Variants in BSCL2 observed in about 807,000 individuals in gnomAD.
BSCL2 encodes the protein BSCL2 lipid droplet biogenesis associated, seipin, also known as seipin.
BSCL2 carries 41 observed loss-of-function variants against 57.4 expected under a neutral mutation model. The ratio of observed to expected loss-of-function variants is 0.71; its 90% CI spans 0.56 to 0.93. The LOEUF (loss-of-function observed/expected upper bound fraction) is 0.93. Ranked by LOEUF, BSCL2 falls within the 40% of genes least tolerant of loss-of-function variation. The pLI is 0.00. For missense variants in BSCL2, 539 were observed against 586.7 expected (o/e 0.92, Z 0.84); for synonymous variants, 237 against 227.3 (o/e 1.04, Z -0.38).
intron 3 of BSCL2, among the ~76,000 whole-genome samples, chr11:62,698,477 C>T (rs1407363629): frequency 6.6e-6 from 1 of 152,244 alleles, no homozygotes; most frequent in African/African-American, 2.4e-5. Context: ...GGATTACAGG[C>T]ATGAGCCACT....
At chr11:62,705,725 G>T in intron 1 of BSCL2, 108 bp from the exon 2 acceptor site, 2 of 1,110,254 alleles carry the variant, frequency 1.8e-6, no homozygotes, top group Non-Finnish European at 2.5e-6. Context: ...GGATAGCAAA[G>T]TCATTGTTTC....
At chr11:62,690,928 T>G in intron 8 of BSCL2, 61 bp from the exon 9 acceptor site, 2 of 1,587,532 alleles carry the variant, frequency 1.3e-6, no homozygotes, top group South Asian at 2.2e-5. Flanking sequence ...TGGACGGCAG[T>G]GCCAACCTCA....
At chr11:62,700,196 G>A (rs1336786227) in intron 3 of BSCL2, among the ~76,000 whole-genome samples, 5 of 151,028 alleles carry the variant, frequency 3.3e-5, no homozygotes, top group Admixed American at 1.3e-4. Flanking sequence ...AGCCGTGATC[G>A]TATCACTGCA....
chr11:62,706,244 G>T, intron 1 of BSCL2: 1 of 1,093,334 alleles, frequency 9.1e-7, no homozygotes, highest in South Asian at 2.3e-5. Context: ...GGCTGCCACA[G>T]GGCTGCCGAC....
chr11:62,705,578 G>A lies in BSCL2; in HGVS notation c.127C>T (p.Pro43Ser). The A allele has an allele frequency of 1.9e-6, 3 of 1,580,274 alleles. No homozygotes were observed. Among genetic ancestry groups the A allele is most frequent in the Non-Finnish European group, 2.6e-6 (3 of 1,159,732 alleles). The change falls in exon 2 of 11, where the codon CCA becomes TCA. Residue 43 changes from proline to serine, a missense_variant. This residue lies in a region of BSCL2 where 218 missense variants were observed against 224.8 expected (regional missense o/e 0.97). Transcript: ENST00000360796. ...AAASHGQGWR[P>S]GGRAARNARP... ...GCGTTCCTAGCTGCTCTGCCACCTG[G>A]ACGCCACCCCTGGCCATGGGATGCA...
At chr11:62,697,918 T>G (rs1221154599) in intron 3 of BSCL2, among the ~76,000 whole-genome samples, 1 of 151,422 alleles carries the variant, frequency 6.6e-6, no homozygotes, top group African/African-American at 2.4e-5. Flanking sequence ...CCTTTTTTTT[T>G]TTTTTTTGAG....
intron 3 of BSCL2, among the ~76,000 whole-genome samples, chr11:62,699,675 GTTT>G (rs71056548): frequency 5.7e-5 from 5 of 87,186 alleles, no homozygotes; most frequent in South Asian, 4.3e-4. Context: ...ATCCTATCTG[GTTT>G]TTTTTTTTTT....
Position 62,692,360 on chromosome 11 carries a change from C to T in BSCL2, c.863+16G>A, listed in dbSNP as rs770234112. 8.7e-6 allele frequency: 14 copies of T among 1,613,562 alleles called. No individual in the cohort carries two copies. Among genetic ancestry groups the T allele is most frequent in the Non-Finnish European group, 1.2e-5 (14 of 1,179,648 alleles). ...CGTGAAGAGTTGCCCAAGGTTCACT[C>T]CAGTTGGCCCCTCACCTGAGCCCAG... On this transcript the variant is annotated intron_variant, in intron 6 of 10. Coordinates refer to ENST00000360796, the MANE Select transcript of BSCL2 (RefSeq NM_001122955.4).
chr11:62,690,453 C>T lies in BSCL2; in HGVS notation c.1303G>A (p.Ala435Thr). Residue 435 changes from alanine (A) to threonine (T), a missense_variant, in exon 11 of 11, where the codon GCT (alanine) becomes ACT (threonine). Around this residue, in one of 3 missense-constraint regions of BSCL2, gnomAD observed 248 missense variants for 239.9 expected, o/e 1.03. Transcript: ENST00000360796. ...ANLPAPAPAS[A>T]SAPVLETLGS... is the part of the protein sequence containing the mutation. ...AGAGTCTCTAGGACAGGGGCAGAAG[C>T]AGAAGCAGGAGCAGGAGCAGGCAGG... 1 of 1,614,146 alleles carries T rather than the reference C, an allele frequency of 6.2e-7. No individual in the cohort carries two copies. The highest frequency in any genetic ancestry group is 1.1e-5 in the South Asian group (1 of 91,086).
At chr11:62,691,039 A>G (rs752196130) in intron 8 of BSCL2, 36 bp downstream of exon 8, 7 of 1,612,582 alleles carry the variant, frequency 4.3e-6, no homozygotes, top group Middle Eastern at 1.7e-4. Context: ...AGCTCAACCT[A>G]GCCCACCTCA....
intron 3 of BSCL2, among the ~76,000 whole-genome samples, chr11:62,697,947 G>A (rs1427073291): frequency 1.4e-5 from 2 of 140,658 alleles, no homozygotes; most frequent in Non-Finnish European, 3.0e-5. Context: ...TCGCTCTGTC[G>A]CCCAGGCTGG....
chr11:62,708,631 C>G (rs1233240816), upstream of BSCL2: 10 of 1,606,486 alleles, frequency 6.2e-6, no homozygotes, highest in Non-Finnish European at 8.5e-6. Context: ...GGCTGCAGTC[C>G]CCTTCAGAGG....
chr11:62,692,826 G>T, intron 4 of BSCL2, 29 bp from the exon 5 acceptor site: 1 of 1,611,664 alleles, frequency 6.2e-7, no homozygotes, highest in Non-Finnish European at 8.5e-7. Context: ...AGAGGCTGGG[G>T]ACAGGTGCAT....
chr11:62,695,210 G>C (rs1945421225), intron 3 of BSCL2, among the ~76,000 whole-genome samples: 1 of 152,162 alleles, frequency 6.6e-6, no homozygotes, highest in Non-Finnish European at 1.5e-5. Flanking sequence ...CCAAGACTCA[G>C]AGTAGGAAGG....
chr11:62,705,376 A>C lies in BSCL2; in HGVS notation c.329T>G (p.Val110Gly). 1.9e-6 allele frequency: 3 copies of C among 1,614,180 alleles called. No homozygotes were observed. Among genetic ancestry groups the C allele is most frequent in the Non-Finnish European group, 2.5e-6 (3 of 1,180,020 alleles). ...ATAGTAGAAGGAGCCATAGAGGAAG[A>C]CAGACACCCAGAGCAAAAGGAGGAT... ...CTILLLLWVS[V>G]FLYGSFYYSY... The change falls in exon 2 of 11, where the codon GTC becomes GGC. Residue 110 changes from valine to glycine, a missense_variant. This residue lies in a region of BSCL2 where 218 missense variants were observed against 224.8 expected (regional missense o/e 0.97). Transcript: ENST00000360796.
At chr11:62,708,151 C>G (rs2083573982), upstream of BSCL2, 3 of 681,276 alleles carry the variant, frequency 4.4e-6, no homozygotes, top group Admixed American at 2.1e-5. Context: ...AGGGATGAGA[C>G]AGTCCACTGG....
At position 62,690,613 on chromosome 11, in the gene BSCL2, A is replaced by G; in HGVS notation, c.1233T>C (p.Asp411=). Residue 411 remains aspartate (D), a splice_region_variant and synonymous_variant, in exon 10 of 11, where the codon GAT becomes GAC. Coordinates refer to ENST00000360796, the MANE Select transcript of BSCL2 (RefSeq NM_001122955.4). ...GEEELEPEAS[D]GSGSWEDAAL... is the part of the protein sequence containing the mutation. ...GTCACGCTGCAGGATGCCCCTCACC[A>G]TCACTGGCCTCAGGCTCTAGCTCCT... 1 of 1,614,022 alleles carries G rather than the reference A, an allele frequency of 6.2e-7. No individual in the cohort carries two copies. Among genetic ancestry groups the G allele is most frequent in the Non-Finnish European group, 8.5e-7 (1 of 1,179,996 alleles).
At chr11:62,701,139 T>C (rs1174999827) in intron 3 of BSCL2, among the ~76,000 whole-genome samples, 1 of 152,214 alleles carries the variant, frequency 6.6e-6, no homozygotes, top group African/African-American at 2.4e-5. Flanking sequence ...AGTTTCATAA[T>C]GTTATATAAA....
Position 62,690,447 on chromosome 11 carries a change from C to G in BSCL2, c.1309G>C (p.Ala437Pro), listed in dbSNP as rs199787351. The G allele has an allele frequency of 8.1e-6, 13 of 1,613,896 alleles. No homozygotes were observed. The East Asian group carries it at 1.8e-4, about 22-fold the overall frequency. Residue 437 changes from alanine to proline, a missense_variant, in exon 11 of 11, where the codon GCC becomes CCC. Ala to Pro is a conservative substitution (Grantham distance 27). Transcript: ENST00000360796. ...LPAPAPASAS[A>P]PVLETLGSSE... ...CTGCCCAGAGTCTCTAGGACAGGGG[C>G]AGAAGCAGAAGCAGGAGCAGGAGCA... is the stretch of plus-strand genomic sequence containing the variant.
Sources: gnomAD v4.1 joint callset for allele counts (sites outside exome capture counted in the v4.1 genomes callset) on GRCh38, gnomAD v4.1.1 for gene constraint, gnomAD v4.1.1 regional missense constraint, MANE v1.5 for transcripts, NCBI Gene and HGNC (gene_info 2026-07-23, HGNC 2026-07-21) for gene names.